Variants in CACNG7 observed in about 807,000 individuals in gnomAD.
The protein encoded by CACNG7 is calcium voltage-gated channel auxiliary subunit gamma 7, also known as voltage-dependent calcium channel gamma-7 subunit.
A neutral mutation model predicts 26.3 loss-of-function variants in CACNG7; 9 were observed. The ratio of observed to expected loss-of-function variants is 0.34; its 90% CI spans 0.21 to 0.60. The LOEUF (loss-of-function observed/expected upper bound fraction) is 0.60, where lower values mean the gene tolerates loss of function less well. Among genes scored for constraint, CACNG7 ranks in the 20% least tolerant of loss-of-function variants. CACNG7 has a pLI of 0.81. For missense variants in CACNG7, 297 were observed against 380.4 expected, an observed-to-expected ratio of 0.78 and a Z score of 1.82; for synonymous variants, 170 against 157.0, an observed-to-expected ratio of 1.08 and a Z score of -0.62.
In CACNG7 at chr19:53,922,663, T is replaced by C. The variant is rs79670633; in HGVS notation, c.424+7158T>C. ...CCAGGCCTGGTCATTGGTGCAGTTG[T>C]CCCAGGCTGGTCATTGGTGGAGTTG... On this transcript the variant is annotated intron_variant, in intron 4 of 5. Coordinates refer to ENST00000391767, the MANE Select transcript of CACNG7 (RefSeq NM_031896.5). Among the ~76,000 whole-genome samples the C allele has an allele frequency of 9.3e-5, 6 of 64,480 alleles. 1 individual carries two copies. The highest frequency in any genetic ancestry group is 3.5e-4 in the African/African-American group (2 of 5,782). The allele number at this position is 64,480 out of a possible 152,430, so 42.3% of individuals were successfully genotyped here.
intron 4 of CACNG7, among the ~76,000 whole-genome samples, chr19:53,934,109 C>G (rs1295580457): frequency 1.3e-5 from 2 of 152,064 alleles, no homozygotes; most frequent in African/African-American, 4.8e-5. Flanking sequence ...GTTAGTCAGG[C>G]TGGTCTCAAA....
At chr19:53,916,596 C>T (rs1401927491) in intron 4 of CACNG7, among the ~76,000 whole-genome samples, 1 of 144,844 alleles carries the variant, frequency 6.9e-6, no homozygotes, top group East Asian at 2.1e-4. Flanking sequence ...TCAGACAATT[C>T]TCCTGCCTCA....
intron 4 of CACNG7, among the ~76,000 whole-genome samples, chr19:53,929,130 A>AAAC (rs2069054463): frequency 6.6e-6 from 1 of 151,552 alleles, no homozygotes; most frequent in African/African-American, 2.4e-5. Flanking sequence ...AACAAAAAAA[A>AAAC]AAAAAAAAGA....
chr19:53,939,125 C>T lies in CACNG7; in HGVS notation c.425-2345C>T, dbSNP rs1049355837. ...TACAAAAATTAGCCAGGCATGGTGGCGGGTGCCTGTTAATTCCAGCTACGC... is the reference window on the plus strand; with the variant it reads ...TACAAAAATTAGCCAGGCATGGTGGTGGGTGCCTGTTAATTCCAGCTACGC... On this transcript the variant is annotated intron_variant, in intron 4 of 5. Transcript: ENST00000391767. The surrounding 1 kb of genome is among the most constrained non-coding windows in gnomAD (Gnocchi z 4.2). 1.3e-5 allele frequency among the ~76,000 whole-genome samples: 2 copies of T among 151,880 alleles called. No individual in the cohort carries two copies. Among genetic ancestry groups the T allele is most frequent in the African/African-American group, 4.8e-5 (2 of 41,332 alleles).
rs1331412218 is a variant in CACNG7 at position 53,941,599 on chromosome 19, C to T, written c.554C>T (p.Ser185Phe). ...TGGTCTTTTGCCTTCGCCGCTTCCT[C>T]CTTCCTACTCAAAGAGGTGACGTCC... is the stretch of plus-strand genomic sequence containing the variant. ...YGWSFAFAAS[S>F]FLLKEGAGVM... Residue 185 changes from serine (S) to phenylalanine (F), a missense_variant, in exon 5 of 6, where the codon TCC (serine) becomes TTC (phenylalanine). By Grantham distance (155) the Ser-to-Phe change is radical. Coordinates refer to ENST00000391767, the MANE Select transcript of CACNG7 (RefSeq NM_031896.5). 2 of 1,611,932 alleles carry T rather than the reference C, an allele frequency of 1.2e-6. No individual in the cohort carries two copies. Among genetic ancestry groups the T allele is most frequent in the Non-Finnish European group, 1.7e-6 (2 of 1,179,226 alleles).
intron 4 of CACNG7, among the ~76,000 whole-genome samples, chr19:53,923,206 GC>G (rs2068980102): frequency 8.6e-5 from 5 of 57,972 alleles, no homozygotes; most frequent in Non-Finnish European, 1.2e-4. Context: ...GTTGTCCCAG[GC>G]TCGTCATTGG....
chr19:53,920,431 GCCCCAGGCCGGTCATTGGTGGAGTCGT>G (rs1191551832), intron 4 of CACNG7, among the ~76,000 whole-genome samples: 1 of 84,422 alleles, frequency 1.2e-5, no homozygotes, highest in African/African-American at 8.0e-5. Flanking sequence ...TGGTGGACTT[GCCCCAGGCCGGTCATTGGTGGAGTCGT>G]CCCCAGGTCT....
chr19:53,943,602 G>T lies in CACNG7; in HGVS notation c.*1309G>T, dbSNP rs1333936567. 1 of 142,728 alleles carries T rather than the reference G, an allele frequency of 7.0e-6. No homozygotes were observed. Among genetic ancestry groups the T allele is most frequent in the Non-Finnish European group, 1.5e-5 (1 of 64,888 alleles). The allele number at this position is 142,728 out of a possible 1,614,324, so 8.8% of individuals were successfully genotyped here. On this transcript the variant is annotated 3_prime_UTR_variant, in exon 6 of 6. Coordinates refer to ENST00000391767, the MANE Select transcript of CACNG7 (RefSeq NM_031896.5). ...TACGCAGCGATTTTTAACGAGGCTG[G>T]GGGGAGGGGGGCACTGGGGTGGGGA...
intron 4 of CACNG7, among the ~76,000 whole-genome samples, chr19:53,925,555 G>A (rs558802514): frequency 2.7e-4 from 40 of 145,890 alleles, no homozygotes; most frequent in African/African-American, 9.2e-4. Context: ...TGGTGGACTT[G>A]CCCCAGGTCT....
intron 4 of CACNG7, among the ~76,000 whole-genome samples, chr19:53,934,436 G>A (rs977855791): frequency 1.8e-4 from 27 of 152,174 alleles, no homozygotes; most frequent in Admixed American, 1.8e-3. Flanking sequence ...TAAAGATGGT[G>A]TCCATCAGAG....
chr19:53,925,085 TCTGGTCATTGGTGGACTTGCCTAGGG>T lies in CACNG7; in HGVS notation c.424+9628_424+9653del, dbSNP rs869257325. On this transcript the variant is annotated intron_variant, in intron 4 of 5. Coordinates refer to ENST00000391767, the MANE Select transcript of CACNG7 (RefSeq NM_031896.5). ...TGGTCATTGGTGGAGTTGCCCCAGG[TCTGGTCATTGGTGGACTTGCCTAGGG>T]CTGGTCATTGGTGGACTTGCCTAGG... Among the ~76,000 whole-genome samples the T allele has an allele frequency of 1.4e-3, 124 of 86,522 alleles. 3 individuals are homozygous for T. The highest frequency in any genetic ancestry group is 7.4e-3 in the Admixed American group (68 of 9,238). The allele number at this position is 86,522 out of a possible 152,430, so 56.8% of individuals were successfully genotyped here. A position where few individuals can be genotyped will look rare whatever the true frequency, so the allele number is the denominator to read the frequency against.
chr19:53,942,107 G>T lies in CACNG7; in HGVS notation c.642G>T (p.Pro214=). The T allele has an allele frequency of 6.2e-7, 1 of 1,613,964 alleles. No homozygotes were observed. ...AGGAGGAGATGTACCGTCCACACCCGGCCTTCTACCGCCCGCGTCTCAGCG... is the reference window on the plus strand; with the variant it reads ...AGGAGGAGATGTACCGTCCACACCCTGCCTTCTACCGCCCGCGTCTCAGCG... The part of the protein sequence containing the change: ...YAEEEMYRPH[P]AFYRPRLSDC... Residue 214 remains proline (P), a synonymous_variant, in exon 6 of 6, where the codon CCG becomes CCT. Transcript: ENST00000391767. This position sits in a 1 kb window ranked among gnomAD's most constrained non-coding sequence, Gnocchi z 5.9.
chr19:53,929,577 C>CT (rs2069057505), intron 4 of CACNG7, among the ~76,000 whole-genome samples: 1 of 152,178 alleles, frequency 6.6e-6, no homozygotes, highest in Non-Finnish European at 1.5e-5. Context: ...CTGTCTCAGC[C>CT]TCCCGAGTAG....
chr19:53,926,359 C>T (rs2069030983), intron 4 of CACNG7, among the ~76,000 whole-genome samples: 2 of 151,968 alleles, frequency 1.3e-5, no homozygotes, highest in African/African-American at 4.8e-5. Context: ...ATGCTAATCA[C>T]AGCCTCACCT....
chr19:53,920,434 C>T (rs1484481602), intron 4 of CACNG7, among the ~76,000 whole-genome samples: 2 of 87,008 alleles, frequency 2.3e-5, no homozygotes, highest in Non-Finnish European at 4.2e-5. Context: ...TGGACTTGCC[C>T]CAGGCCGGTC....
intron 4 of CACNG7, among the ~76,000 whole-genome samples, chr19:53,920,336 T>G: frequency 9.1e-6 from 1 of 109,742 alleles, no homozygotes; most frequent in African/African-American, 4.6e-5. Flanking sequence ...CCAGGTCTGG[T>G]CATTGGTGGA....
chr19:53,926,325 C>G (rs2069030676), intron 4 of CACNG7, among the ~76,000 whole-genome samples: 1 of 152,066 alleles, frequency 6.6e-6, no homozygotes, highest in African/African-American at 2.4e-5. Context: ...TTCAGCCACA[C>G]TGGCCTCATT....
chr19:53,919,377 TCTGGTCATTGGTGGAGTTGTCCCCAGGC>T (rs2068920449), intron 4 of CACNG7, among the ~76,000 whole-genome samples: 1 of 139,980 alleles, frequency 7.1e-6, no homozygotes, highest in Non-Finnish European at 1.6e-5. Flanking sequence ...TTGTCCCAGG[TCTGGTCATTGGTGGAGTTGTCCCCAGGC>T]CTGGTCATTG....
At chr19:53,933,139 ACT>A (rs2069084274) in intron 4 of CACNG7, among the ~76,000 whole-genome samples, 1 of 149,762 alleles carries the variant, frequency 6.7e-6, no homozygotes, top group African/African-American at 2.5e-5. Context: ...ACAGAGTCTC[ACT>A]CTGTCACCCA....
Sources: allele counts gnomAD v4.1 joint callset (sites outside exome capture counted in the v4.1 genomes callset), GRCh38; gene constraint gnomAD v4.1.1; non-coding constraint Gnocchi (gnomAD v3.1); transcripts MANE v1.5; gene names NCBI Gene and HGNC (gene_info 2026-07-23, HGNC 2026-07-21).